The following CCDC39 variants were observed in gnomAD, a reference collection of about 807,000 sequenced individuals.
CCDC39 encodes the protein coiled-coil domain-containing protein 39.
In CCDC39, 113 loss-of-function variants were observed where a neutral mutation model predicts 121.0. The observed-to-expected ratio is 0.93, with a 90% CI of 0.80 to 1.09. The LOEUF is 1.09. Among genes scored for constraint, CCDC39 ranks in the 50% least tolerant of loss-of-function variants. The pLI is 0.00. For synonymous variants in CCDC39, 349 were observed against 352.2 expected (o/e 0.99, Z 0.10); for missense variants, 1,063 against 1,074.7 (o/e 0.99, Z 0.15).
At chr3:180,662,343 A>C (rs1711761471) in intron 2 of CCDC39, among the ~76,000 whole-genome samples, 1 of 152,130 alleles carries the variant, frequency 6.6e-6, no homozygotes, top group Non-Finnish European at 1.5e-5. Context: ...CCATTAAAAA[A>C]CAGTTGAGAA....
In CCDC39 at chr3:180,636,582, A is replaced by C. The variant is rs962358909; in HGVS notation, c.1875-4990T>G. ...ATTTTTATAGAACTAGAAAAAAACT[A>C]TTTTAAAATTCATATGGAACCAAAA... On this transcript the variant is annotated intron_variant, in intron 13 of 19. Transcript: ENST00000476379. Among the ~76,000 whole-genome samples, 5 of 149,602 alleles carry C rather than the reference A, an allele frequency of 3.3e-5. No homozygotes were observed. In the South Asian group the frequency reaches 8.6e-4, roughly 26 times the overall value.
chr3:180,657,458 A>C (rs896385940), intron 6 of CCDC39, among the ~76,000 whole-genome samples: 15 of 152,210 alleles, frequency 9.9e-5, no homozygotes, highest in African/African-American at 3.6e-4. Flanking sequence ...TGACTGACAG[A>C]GAGGAAGCAG....
chr3:180,675,518 G>C (rs564968650), intron 1 of CCDC39, among the ~76,000 whole-genome samples: 14 of 152,172 alleles, frequency 9.2e-5, no homozygotes, highest in Non-Finnish European at 1.8e-4. Context: ...CTTGCCTTCT[G>C]CTAGCTTTTG....
rs1183589611 is a variant in CCDC39, at chr3:180,660,666, C to T, written c.420G>A (p.Gln140=). 10 of 1,602,884 alleles carry T rather than the reference C, an allele frequency of 6.2e-6. No individual in the cohort carries two copies. Among genetic ancestry groups the T allele is most frequent in the Non-Finnish European group, 8.5e-6 (10 of 1,173,790 alleles). The change falls in exon 4 of 20, where the codon CAG becomes CAA. Residue 140 remains glutamine (Q), a synonymous_variant. Coordinates refer to ENST00000476379, the MANE Select transcript of CCDC39 (RefSeq NM_181426.2). ...DGLKCQMNWD[Q]QALEAWLEES... is the part of the protein sequence containing the mutation. ...CTTCTAACCAGGCCTCCAATGCTTG[C>T]TGGTCCCAGTTCATTTGACATTTCA...
At position 180,679,308 on chromosome 3, in the gene CCDC39, T is replaced by C. The variant is rs746593370; in HGVS notation, c.73A>G (p.Lys25Glu). 17 of 1,613,884 alleles carry C rather than the reference T, an allele frequency of 1.1e-5. No individual in the cohort carries two copies. The highest frequency in any genetic ancestry group is 1.4e-5 in the Non-Finnish European group (16 of 1,179,800). The change falls in exon 1 of 20, where the codon AAG becomes GAG. Residue 25 changes from lysine to glutamate, a missense_variant. Physicochemically the swap from Lys to Glu is moderately conservative, Grantham distance 56. Coordinates refer to ENST00000476379, the MANE Select transcript of CCDC39 (RefSeq NM_181426.2). The surrounding 1 kb of genome is among the most constrained non-coding windows in gnomAD (Gnocchi z 4.0). ...FAIPVANEEN[K>E]LLEDQLSKLK... Reference sequence around the variant, plus strand: ...GATCTCACCTGATCTTCCAGTAGCTTGTTCTCCTCGTTCGCCACCGGGATG... The same window carrying C: ...GATCTCACCTGATCTTCCAGTAGCTCGTTCTCCTCGTTCGCCACCGGGATG...
At chr3:180,617,558 C>T (rs1219208254) in intron 16 of CCDC39, 1 of 592,552 alleles carries the variant, frequency 1.7e-6, no homozygotes, top group East Asian at 2.9e-5. Context: ...ATGATCCTGA[C>T]CACGGGTAGG....
chr3:180,620,783 G>A (rs1301223443), intron 14 of CCDC39, among the ~76,000 whole-genome samples: 3 of 151,864 alleles, frequency 2.0e-5, no homozygotes, highest in Non-Finnish European at 2.9e-5. Context: ...ATTTTTATTT[G>A]TAAAAATTTA....
At chr3:180,651,742 A>G (rs1326785515) in intron 8 of CCDC39, among the ~76,000 whole-genome samples, 2 of 152,334 alleles carry the variant, frequency 1.3e-5, no homozygotes, top group South Asian at 2.1e-4. Flanking sequence ...TTTAAGTTTA[A>G]TAACGTAGTA....
At chr3:180,668,324 G>A (rs1278614902) in intron 1 of CCDC39, among the ~76,000 whole-genome samples, 1 of 151,980 alleles carries the variant, frequency 6.6e-6, no homozygotes, top group Admixed American at 6.6e-5. Context: ...GGTTGCAGTC[G>A]GCTCAGATCA....
chr3:180,639,760 G>A (rs1343253391), intron 13 of CCDC39, among the ~76,000 whole-genome samples: 9 of 151,784 alleles, frequency 5.9e-5, no homozygotes, highest in African/African-American at 2.2e-4. Flanking sequence ...AAAACCACCT[G>A]TTTCTCAAAA....
intron 13 of CCDC39, among the ~76,000 whole-genome samples, chr3:180,634,555 T>C (rs888093643): frequency 4.6e-5 from 7 of 152,106 alleles, no homozygotes; most frequent in Non-Finnish European, 8.8e-5. Flanking sequence ...CTTATTCAGC[T>C]GCCTCCAAGT....
chr3:180,615,179 A>T, intron 19 of CCDC39, 102 bp from the exon 20 acceptor site: 1 of 820,156 alleles, frequency 1.2e-6, no homozygotes, highest in South Asian at 2.0e-5. Flanking sequence ...AAGTAAAGAC[A>T]TCAAAAAAGT....
chr3:180,614,819 GT>G lies in CCDC39; in HGVS notation c.*101del. The G allele has an allele frequency of 3.7e-6, 4 of 1,079,238 alleles. No individual in the cohort carries two copies. In the South Asian group the frequency reaches 6.8e-5, roughly 18 times the overall value. The allele number at this position is 1,079,238 out of a possible 1,614,324, so 66.9% of individuals were successfully genotyped here. A position where few individuals can be genotyped will look rare whatever the true frequency, so the allele number is the denominator to read the frequency against. On this transcript the variant is annotated 3_prime_UTR_variant, in exon 20 of 20. Coordinates refer to ENST00000476379, the MANE Select transcript of CCDC39 (RefSeq NM_181426.2). ...TATCAGTTTTTACACTTACCACTAAGTTTTTACACTTTCCACTAGATAAAAT... is the reference window on the plus strand; with the variant it reads ...TATCAGTTTTTACACTTACCACTAAGTTTTACACTTTCCACTAGATAAAAT...
intron 16 of CCDC39, chr3:180,617,813 T>A: frequency 4.5e-6 from 1 of 223,464 alleles, no homozygotes; most frequent in Non-Finnish European, 8.7e-6. Flanking sequence ...TAAAATTATT[T>A]TTATGAATTT....
At chr3:180,658,254 G>A (rs1711635213) in intron 6 of CCDC39, among the ~76,000 whole-genome samples, 2 of 137,464 alleles carry the variant, frequency 1.5e-5, no homozygotes, top group African/African-American at 5.4e-5. Flanking sequence ...AAAAAAGGTA[G>A]TATCAGCATT....
In CCDC39 at chr3:180,615,057, G is replaced by A; in HGVS notation, c.2690C>T (p.Thr897Ile). 1.3e-6 allele frequency: 2 copies of A among 1,541,778 alleles called. No homozygotes were observed. The highest frequency in any genetic ancestry group is 1.7e-6 in the Non-Finnish European group (2 of 1,145,530). The change falls in exon 20 of 20, where the codon ACA becomes ATA. Residue 897 changes from threonine (T) to isoleucine (I), a missense_variant. Transcript: ENST00000476379. ...LSARSSRSTSTSTSQSSIKVL... is the reference protein window; with the variant it reads ...LSARSSRSTSISTSQSSIKVL... ...TTTAATTGAAGACTGAGAAGTAGATGTACTTGTACTCCTAGATGACCTAGA... is the reference window on the plus strand; with the variant it reads ...TTTAATTGAAGACTGAGAAGTAGATATACTTGTACTCCTAGATGACCTAGA...
chr3:180,659,156 A>G (rs1332233466), intron 6 of CCDC39, among the ~76,000 whole-genome samples: 1 of 152,196 alleles, frequency 6.6e-6, no homozygotes, highest in Non-Finnish European at 1.5e-5. Context: ...TTGGACAGCC[A>G]TGTGTAAGTC....
At chr3:180,618,845 G>C (rs1474041390) in intron 16 of CCDC39, among the ~76,000 whole-genome samples, 1 of 152,046 alleles carries the variant, frequency 6.6e-6, no homozygotes, top group African/African-American at 2.4e-5. Flanking sequence ...CTTTGCTATT[G>C]TGAATAGACA....
chr3:180,648,537 A>T (rs1470254123), intron 9 of CCDC39, among the ~76,000 whole-genome samples, 178 bp from the exon 10 acceptor site: 1 of 152,166 alleles, frequency 6.6e-6, no homozygotes, highest in African/African-American at 2.4e-5. Flanking sequence ...GGTTTATTCT[A>T]TTCTAGTAGA....
Sources: allele counts gnomAD v4.1 joint callset (sites outside exome capture counted in the v4.1 genomes callset), GRCh38; gene constraint gnomAD v4.1.1; non-coding constraint Gnocchi (gnomAD v3.1); transcripts MANE v1.5; gene names NCBI Gene and HGNC (gene_info 2026-07-23, HGNC 2026-07-21).